The following NOS1 variants were observed in gnomAD, a reference collection of about 807,000 sequenced individuals.
NOS1 encodes NOS type I.
A neutral mutation model predicts 164.5 loss-of-function variants in NOS1; 51 were observed. That is an observed-to-expected ratio of 0.31 (90% CI 0.25 to 0.39). The LOEUF is 0.39. Ranked by LOEUF, NOS1 falls within the 10% of genes least tolerant of loss-of-function variation. The probability of loss-of-function intolerance (pLI) is 1.00; values close to 1 mark genes in which losing one functional copy is unlikely to be tolerated. For missense variants in NOS1, 1,362 were observed against 1,885.6 expected (o/e 0.72, Z 5.14); for synonymous variants, 719 against 745.8 (o/e 0.96, Z 0.59).
intron 8 of NOS1, 57 bp downstream of exon 8, chr12:117,280,668 G>GGGTAAAA (rs9658363): frequency 0.8 from 1,247,075 of 1,557,204 alleles, 499,960 homozygotes; most frequent in East Asian, 0.85. Flanking sequence ...AAAAGTCTGT[G>GGGTAAAA]GTCTGGGGAC....
chr12:117,324,444 C>T (rs1462846879), intron 2 of NOS1, among the ~76,000 whole-genome samples: 1 of 152,154 alleles, frequency 6.6e-6, no homozygotes, highest in Non-Finnish European at 1.5e-5. Context: ...AAAGTGACCG[C>T]TCCAGCCAGG....
chr12:117,346,200 G>A (rs1221090377), intron 1 of NOS1, among the ~76,000 whole-genome samples: 3 of 152,240 alleles, frequency 2.0e-5, no homozygotes, highest in Non-Finnish European at 4.4e-5. Context: ...GCCAGGTGCC[G>A]TGGCTCACGC....
At chr12:117,244,038 T>G (rs763939750) in intron 18 of NOS1, among the ~76,000 whole-genome samples, 1 of 152,234 alleles carries the variant, frequency 6.6e-6, no homozygotes, top group Non-Finnish European at 1.5e-5. Flanking sequence ...CGTCATTTAT[T>G]CCTAAAACTG....
chr12:117,254,059 C>T (rs1871274651), intron 16 of NOS1, among the ~76,000 whole-genome samples: 1 of 152,038 alleles, frequency 6.6e-6, no homozygotes, highest in Admixed American at 6.6e-5. Context: ...AGGAACAGAA[C>T]TAACTACTCC....
Position 117,331,043 on chromosome 12 carries a change from C to T in NOS1, c.27G>A (p.Gln9=), listed in dbSNP as rs372963498. The stretch of plus-strand genomic sequence containing the variant: ...CAGAAATGACATTGGGCTGGATTTG[C>T]TGAACACCGAACATGTGATCCTCCA... MEDHMFGV[Q]QIQPNVISVR... is the part of the protein sequence containing the mutation. The change falls in exon 2 of 29, where the codon CAG becomes CAA. Residue 9 remains glutamine, a synonymous_variant. Coordinates refer to ENST00000317775, the MANE Select transcript of NOS1 (RefSeq NM_000620.5). The T allele has an allele frequency of 8.7e-6, 14 of 1,613,232 alleles. No homozygotes were observed. Among genetic ancestry groups the T allele is most frequent in the Non-Finnish European group, 1.2e-5 (14 of 1,179,384 alleles).
intron 4 of NOS1, among the ~76,000 whole-genome samples, 169 bp downstream of exon 4, chr12:117,290,129 T>C (rs1007953275): frequency 3.9e-5 from 6 of 152,178 alleles, no homozygotes; most frequent in African/African-American, 1.2e-4. Context: ...ACATTTTTGG[T>C]TGTCACAACC....
rs9658558 is a variant in NOS1 at position 117,214,994 on chromosome 12, C to T, written c.*315G>A. On this transcript the variant is annotated 3_prime_UTR_variant, in exon 29 of 29. Coordinates refer to ENST00000317775, the MANE Select transcript of NOS1 (RefSeq NM_000620.5). The stretch of plus-strand genomic sequence containing the variant: ...CAGGGGAACCCCAGAGAAAAAAACC[C>T]CCACAGCGACGGCCATGTTCCAGTG... 192 of 1,129,680 alleles carry T rather than the reference C, an allele frequency of 1.7e-4. 2 individuals carry two copies. In the East Asian group the frequency reaches 6.5e-3, roughly 38 times the overall value. 70.0% of individuals were successfully genotyped at this position (1,129,680 alleles called of 1,614,324 possible).
intron 6 of NOS1, 45 bp from the exon 7 acceptor site, chr12:117,285,377 C>G (rs1874033357): frequency 7.8e-7 from 1 of 1,279,456 alleles, no homozygotes; most frequent in African/African-American, 1.5e-5. Context: ...TCTTTCCCTC[C>G]CCAGCTCCCC....
At position 117,215,001 on chromosome 12, in the gene NOS1, C is replaced by A; in HGVS notation, c.*308G>T. On this transcript the variant is annotated 3_prime_UTR_variant, in exon 29 of 29. Transcript: ENST00000317775. ...ACCCCAGAGAAAAAAACCCCCACAG[C>A]GACGGCCATGTTCCAGTGGTTTCAT... 2 of 1,141,700 alleles carry A rather than the reference C, an allele frequency of 1.8e-6. No homozygotes were observed. Among genetic ancestry groups the A allele is most frequent in the Non-Finnish European group, 2.1e-6 (2 of 931,360 alleles). The allele number at this position is 1,141,700 out of a possible 1,614,324, so 70.7% of individuals were successfully genotyped here.
rs1266013309 is a variant in NOS1 at position 117,288,059 on chromosome 12, T to C, written c.1127+15A>G. The C allele has an allele frequency of 1.1e-5, 17 of 1,613,278 alleles. 1 individual carries two copies. The Middle Eastern group carries it at 4.9e-4, about 47-fold the overall frequency. On this transcript the variant is annotated intron_variant, in intron 5 of 28. Transcript: ENST00000317775. ...ATAACTTACCTCGGGCTCCCCGGAA[T>C]TGACACACACTTGCCTTTTAATTGA...
At chr12:117,294,358 C>T (rs1268899648) in intron 3 of NOS1, among the ~76,000 whole-genome samples, 1 of 152,068 alleles carries the variant, frequency 6.6e-6, no homozygotes, top group Non-Finnish European at 1.5e-5. Context: ...AGCGAGATAA[C>T]AGGACTAATA....
chr12:117,289,519 T>C (rs1168548515), intron 4 of NOS1, among the ~76,000 whole-genome samples: 1 of 152,222 alleles, frequency 6.6e-6, no homozygotes, highest in Non-Finnish European at 1.5e-5. Flanking sequence ...TTAGGAGCAC[T>C]CTTTATTGTT....
intron 7 of NOS1, among the ~76,000 whole-genome samples, chr12:117,284,445 G>A (rs1434588803): frequency 4.6e-5 from 7 of 152,186 alleles, no homozygotes; most frequent in Admixed American, 2.6e-4. Flanking sequence ...GTGAAGACGA[G>A]TCCAAGGCAT....
intron 1 of NOS1, among the ~76,000 whole-genome samples, chr12:117,360,821 C>T (rs1050040487): frequency 6.6e-6 from 1 of 152,234 alleles, no homozygotes; most frequent in Non-Finnish European, 1.5e-5. Flanking sequence ...ATCCCCCAGC[C>T]CGGGCTGCCC....
At chr12:117,260,118 CAAAAAAAAAAAAAAACAAAAAACA>C (rs377668384) in intron 14 of NOS1, among the ~76,000 whole-genome samples, 4,765 of 115,830 alleles carry the variant, frequency 0.041, 239 homozygotes, top group African/African-American at 0.13. Flanking sequence ...AACTCCTTCT[CAAAAAAAAAAAAAAACAAAAAACA>C]AAAAAACAAA....
In NOS1 at chr12:117,234,742, C is replaced by T. The variant is rs775247899; in HGVS notation, c.3058G>A (p.Val1020Met). 33 of 1,611,164 alleles carry T rather than the reference C, an allele frequency of 2.0e-5. No homozygotes were observed. The highest frequency in any genetic ancestry group is 4.0e-5 in the African/African-American group (3 of 74,842). Residue 1020 changes from valine to methionine, a missense_variant, in exon 21 of 29, where the codon GTG becomes ATG. Around this residue, in one of 4 missense-constraint regions of NOS1, gnomAD observed 737 missense variants for 1,030.3 expected, o/e 0.72. Coordinates refer to ENST00000317775, the MANE Select transcript of NOS1 (RefSeq NM_000620.5). This position sits in a 1 kb window ranked among gnomAD's most constrained non-coding sequence, Gnocchi z 4.3. ...SPKSSRSTIF[V>M]RLHTNGSQEL... Reference sequence around the variant, plus strand: ...TGGCTCCCGTTGGTGTGGAGACGCACGAAGATAGTTGACCGACTGCAGGAA... The same window carrying T: ...TGGCTCCCGTTGGTGTGGAGACGCATGAAGATAGTTGACCGACTGCAGGAA...
chr12:117,268,480 C>T (rs952596917), intron 10 of NOS1, among the ~76,000 whole-genome samples: 1 of 152,142 alleles, frequency 6.6e-6, no homozygotes, highest in African/African-American at 2.4e-5. Context: ...GATCCACCCA[C>T]CTTGGCCTCC....
chr12:117,333,101 G>C (rs1476016239), intron 1 of NOS1, among the ~76,000 whole-genome samples: 1 of 152,214 alleles, frequency 6.6e-6, no homozygotes, highest in Non-Finnish European at 1.5e-5. Context: ...TGGCACATCT[G>C]GGATGGGGCA....
chr12:117,354,215 T>C (rs931274934), intron 1 of NOS1, among the ~76,000 whole-genome samples: 6 of 150,168 alleles, frequency 4.0e-5, no homozygotes, highest in African/African-American at 1.5e-4. Context: ...AGCGAAAATA[T>C]TTATCTACGT....
Sources: gnomAD v4.1 joint callset for allele counts (sites outside exome capture counted in the v4.1 genomes callset) on GRCh38, gnomAD v4.1.1 for gene constraint, gnomAD v4.1.1 regional missense constraint, Gnocchi (gnomAD v3.1) non-coding constraint, MANE v1.5 for transcripts, NCBI Gene and HGNC (gene_info 2026-07-23, HGNC 2026-07-21) for gene names.